The following C1GALT1 variants were observed in gnomAD, a reference collection of about 807,000 sequenced individuals.
C1GALT1 encodes core 1 synthase, glycoprotein-N-acetylgalactosamine 3-beta-galactosyltransferase 1.
A neutral mutation model predicts 31.0 loss-of-function variants in C1GALT1; 11 were observed. That is an observed-to-expected ratio of 0.36 (90% confidence interval 0.22 to 0.59). C1GALT1 has a LOEUF of 0.59. C1GALT1 is among the 20% of genes least tolerant of loss of function. The pLI, the probability that C1GALT1 is intolerant of heterozygous loss-of-function variation, is 0.79. For missense variants in C1GALT1, 424 were observed against 425.2 expected (o/e 1.00, Z 0.03); for synonymous variants, 175 against 143.6 (o/e 1.22, Z -1.56).
intron 1 of C1GALT1, among the ~76,000 whole-genome samples, chr7:7,203,614 A>T (rs1781609940): frequency 6.6e-6 from 1 of 151,730 alleles, no homozygotes; most frequent in Non-Finnish European, 1.5e-5. Context: ...TTTTGTTGAG[A>T]ATTTTTACAT....
intron 1 of C1GALT1, among the ~76,000 whole-genome samples, chr7:7,195,415 GATTT>G (rs1462368867): frequency 6.6e-6 from 1 of 152,120 alleles, no homozygotes; most frequent in Non-Finnish European, 1.5e-5. Flanking sequence ...TTTCCACCTT[GATTT>G]CATTGTTGAC....
At chr7:7,202,063 A>G (rs1438594368) in intron 1 of C1GALT1, among the ~76,000 whole-genome samples, 2 of 152,126 alleles carry the variant, frequency 1.3e-5, no homozygotes, top group African/African-American at 4.8e-5. Flanking sequence ...ACAGCTCTCT[A>G]AATTAATCTC....
chr7:7,185,000 C>T (rs1212763843), intron 1 of C1GALT1, among the ~76,000 whole-genome samples: 1 of 152,010 alleles, frequency 6.6e-6, no homozygotes, highest in Non-Finnish European at 1.5e-5. Context: ...GAGAGGAACT[C>T]CAATGTGTAC....
At chr7:7,219,799 G>A (rs1782424062) in intron 1 of C1GALT1, among the ~76,000 whole-genome samples, 1 of 151,746 alleles carries the variant, frequency 6.6e-6, no homozygotes, top group Admixed American at 6.6e-5. Flanking sequence ...GCACATAATT[G>A]TAATAACATT....
intron 2 of C1GALT1, among the ~76,000 whole-genome samples, chr7:7,166,118 C>T (rs4720723): frequency 0.19 from 28,986 of 151,986 alleles, 3,396 homozygotes; most frequent in East Asian, 0.4. Flanking sequence ...GTGAAAAAAA[C>T]GTATATTACT....
chr7:7,236,760 G>A (rs1187776355), intron 2 of C1GALT1, among the ~76,000 whole-genome samples: 1 of 151,938 alleles, frequency 6.6e-6, no homozygotes, highest in Non-Finnish European at 1.5e-5. Flanking sequence ...TCCTGACCTC[G>A]TGATCTACCC....
At chr7:7,178,717 T>G (rs887404066), upstream of C1GALT1, among the ~76,000 whole-genome samples, 1 of 152,208 alleles carries the variant, frequency 6.6e-6, no homozygotes. Context: ...GTGAAAAAGA[T>G]ATACTTCATT....
At chr7:7,168,655 A>C (rs1453795506) in intron 2 of C1GALT1, among the ~76,000 whole-genome samples, 1 of 152,228 alleles carries the variant, frequency 6.6e-6, no homozygotes, top group East Asian at 1.9e-4. Flanking sequence ...AAGATTACTC[A>C]GTTCCTTTTC....
At chr7:7,242,147 G>A (rs1365779164) in intron 3 of C1GALT1, among the ~76,000 whole-genome samples, 1 of 150,526 alleles carries the variant, frequency 6.6e-6, no homozygotes, top group South Asian at 2.1e-4. Flanking sequence ...ATTAATCATC[G>A]CAAAACTATT....
At chr7:7,226,403 G>T (rs913967280) in intron 1 of C1GALT1, among the ~76,000 whole-genome samples, 2 of 151,696 alleles carry the variant, frequency 1.3e-5, no homozygotes, top group Admixed American at 6.6e-5. Flanking sequence ...GGGCTTTATT[G>T]TGAATTACAC....
At chr7:7,195,668 A>G (rs1284175739) in intron 1 of C1GALT1, among the ~76,000 whole-genome samples, 1 of 152,140 alleles carries the variant, frequency 6.6e-6, no homozygotes, top group African/African-American at 2.4e-5. Flanking sequence ...AATGTTCTGT[A>G]AATGTCTGTT....
intron 1 of C1GALT1, among the ~76,000 whole-genome samples, chr7:7,225,069 T>G (rs946591238): frequency 6.6e-6 from 1 of 151,898 alleles, no homozygotes. Context: ...TTTTCTGTCC[T>G]GTGTTAGTTC....
At chr7:7,193,336 G>A (rs1781152586) in intron 1 of C1GALT1, among the ~76,000 whole-genome samples, 1 of 152,080 alleles carries the variant, frequency 6.6e-6, no homozygotes, top group Non-Finnish European at 1.5e-5. Flanking sequence ...TTTGTGTAAG[G>A]TGAGAGATGA....
intron 1 of C1GALT1, among the ~76,000 whole-genome samples, chr7:7,187,949 G>T (rs1029069136): frequency 2.6e-5 from 4 of 152,148 alleles, no homozygotes; most frequent in African/African-American, 7.2e-5. Context: ...GTGGAGTTCC[G>T]TGAAAGGATT....
Position 7,232,562 on chromosome 7 carries a change from G to T in C1GALT1, c.-17-1741G>T, listed in dbSNP as rs139285602. On this transcript the variant is annotated intron_variant, in intron 1 of 3. Transcript: ENST00000436587. ...GGCTGTAATACAGTGGCATGATCTCGGTCCTGCAGTCCTGCCTCCCAGGTT... is the reference window on the plus strand; with the variant it reads ...GGCTGTAATACAGTGGCATGATCTCTGTCCTGCAGTCCTGCCTCCCAGGTT... Among the ~76,000 whole-genome samples the T allele has an allele frequency of 4.1e-3, 624 of 150,368 alleles. 4 individuals are homozygous for T. The highest frequency in any genetic ancestry group is 0.014 in the African/African-American group (568 of 40,890).
At position 7,207,335 on chromosome 7, in the gene C1GALT1, C is replaced by CTTTTTTTTTTTTTTTTTT. The variant is rs57510429; in HGVS notation, c.-18+24528_-18+24545dup. On this transcript the variant is annotated intron_variant, in intron 1 of 3. Transcript: ENST00000436587. ...TCTCTGTGTTTCTCTTACTCTGTTG[C>CTTTTTTTTTTTTTTTTTT]TTTTTTTTTTTTTTTTTTTTTTTTT... 4.8e-4 allele frequency among the ~76,000 whole-genome samples: 23 copies of CTTTTTTTTTTTTTTTTTT among 47,972 alleles called. 9 individuals carry two copies. The highest frequency in any genetic ancestry group is 6.5e-4 in the Non-Finnish European group (17 of 26,068). The allele number at this position is 47,972 out of a possible 152,430, so 31.5% of individuals were successfully genotyped here. A position where few individuals can be genotyped will look rare whatever the true frequency, so the allele number is the denominator to read the frequency against.
chr7:7,239,995 A>G (rs1783552132), intron 3 of C1GALT1, among the ~76,000 whole-genome samples: 1 of 152,190 alleles, frequency 6.6e-6, no homozygotes, highest in Admixed American at 6.5e-5. Flanking sequence ...GTTACTAATA[A>G]TGCCTTTAGG....
chr7:7,216,694 G>A (rs1782260138), intron 1 of C1GALT1, among the ~76,000 whole-genome samples: 2 of 152,178 alleles, frequency 1.3e-5, no homozygotes, highest in South Asian at 4.1e-4. Context: ...AGACAGAATA[G>A]ATGCCTTAAA....
chr7:7,223,982 A>C (rs1782633880), intron 1 of C1GALT1, among the ~76,000 whole-genome samples: 1 of 151,968 alleles, frequency 6.6e-6, no homozygotes, highest in Admixed American at 6.6e-5. Context: ...TGAATATTGG[A>C]TTTTGTCAAG....
Sources: gnomAD v4.1 joint callset for allele counts (sites outside exome capture counted in the v4.1 genomes callset) on GRCh38, gnomAD v4.1.1 for gene constraint, MANE v1.5 for transcripts, NCBI Gene and HGNC (gene_info 2026-07-23, HGNC 2026-07-21) for gene names.